The following DOT1L variants were observed in gnomAD, a reference collection of about 807,000 sequenced individuals.
DOT1L encodes DOT1 like histone lysine methyltransferase.
Under a neutral mutation model 153.3 loss-of-function variants are expected in DOT1L, and 33 were observed. That is an observed-to-expected ratio of 0.22 (90% CI 0.16 to 0.29). The LOEUF is 0.29. Ranked by LOEUF, DOT1L falls within the 10% of genes least tolerant of loss-of-function variation. The pLI is 1.00. For synonymous variants in DOT1L, 1,135 were observed against 965.1 expected, an observed-to-expected ratio of 1.18 and a Z score of -3.26; for missense variants, 1,847 against 2,119.9, an observed-to-expected ratio of 0.87 and a Z score of 2.53.
At chr19:2,228,741 G>A (rs552489977) in intron 27 of DOT1L, 11 of 985,412 alleles carry the variant, frequency 1.1e-5, no homozygotes, top group Admixed American at 1.2e-4. Flanking sequence ...GGCTCCATCC[G>A]CACCAGGCCC....
chr19:2,226,274 C>A lies in DOT1L; in HGVS notation c.3753C>A (p.Ile1251=). The change falls in exon 27 of 28, where the codon ATC becomes ATA. Residue 1251 remains isoleucine, a synonymous_variant. Transcript: ENST00000398665. The stretch of plus-strand genomic sequence containing the variant: ...CCACCTTCTCGCCCATCTCCGACAT[C>A]GGCCTGGCCAAGTCGGCGGACAGCC... ...WKSTFSPISD[I]GLAKSADSPL... 1 of 1,593,476 alleles carries A rather than the reference C, an allele frequency of 6.3e-7. No homozygotes were observed. The highest frequency in any genetic ancestry group is 2.3e-5 in the East Asian group (1 of 44,256).
rs769061575 is a variant in DOT1L at position 2,222,431 on chromosome 19, C to A, written c.3262C>A (p.Arg1088=). The A allele has an allele frequency of 6.2e-7, 1 of 1,609,296 alleles. No homozygotes were observed. The highest frequency in any genetic ancestry group is 8.5e-7 in the Non-Finnish European group (1 of 1,178,546). ...CGGGCAGGACAGTCGCAGGCGCGGC[C>A]GGCGGAAGCGAGCATCTGCGGGGAC... The part of the protein sequence containing the change: ...SHGQDSRRRG[R]RKRASAGTPS... Residue 1088 remains arginine (R), a synonymous_variant, in exon 24 of 28, where the codon CGG becomes AGG. Transcript: ENST00000398665. The surrounding 1 kb of genome is among the most constrained non-coding windows in gnomAD (Gnocchi z 6.5).
intron 2 of DOT1L, 77 bp downstream of exon 2, chr19:2,180,833 G>A: frequency 1.3e-6 from 2 of 1,567,124 alleles, no homozygotes; most frequent in African/African-American, 1.3e-5. Context: ...TGCAGATTCT[G>A]TTGTGGGGAT....
intron 15 of DOT1L, 90 bp downstream of exon 15, chr19:2,211,302 C>T (rs745587699): frequency 2.6e-6 from 3 of 1,166,474 alleles, no homozygotes; most frequent in Non-Finnish European, 3.6e-6. Flanking sequence ...TCGCAGCAGC[C>T]CCCGTGACCT....
At chr19:2,206,862 C>T (rs1464794755) in intron 10 of DOT1L, 65 bp downstream of exon 10, 2 of 1,500,080 alleles carry the variant, frequency 1.3e-6, no homozygotes, top group East Asian at 2.3e-5. Flanking sequence ...ACGCAGTATT[C>T]CTAGGTCCCT....
rs544812496 is a variant in DOT1L at position 2,179,076 on chromosome 19, G to T, written c.82-1637G>T. 8.7e-4 allele frequency among the ~76,000 whole-genome samples: 132 copies of T among 152,250 alleles called. 3 individuals are homozygous for T. Among genetic ancestry groups the T allele is most frequent in the Non-Finnish European group, 1.1e-3 (73 of 68,002 alleles). ...TCCCTCAGTGCATAAGGAAAGCTGG[G>T]GGGGGGTCTCCTATGGTCTGGCCTT... On this transcript the variant is annotated intron_variant, in intron 1 of 27. Coordinates refer to ENST00000398665, the MANE Select transcript of DOT1L (RefSeq NM_032482.3).
At chr19:2,178,188 T>G (rs2022043763) in intron 1 of DOT1L, among the ~76,000 whole-genome samples, 1 of 148,984 alleles carries the variant, frequency 6.7e-6, no homozygotes, top group Non-Finnish European at 1.5e-5. Flanking sequence ...CGCCTCGGCC[T>G]CCCAAAGTGC....
chr19:2,210,998 C>A (rs2023690580), intron 14 of DOT1L, 101 bp from the exon 15 acceptor site: 1 of 1,455,334 alleles, frequency 6.9e-7, no homozygotes, highest in Non-Finnish European at 9.5e-7. Context: ...TTCAGGGTGG[C>A]CCCATCCTAA....
intron 3 of DOT1L, among the ~76,000 whole-genome samples, chr19:2,186,139 G>A (rs959216949): frequency 6.6e-6 from 1 of 152,256 alleles, no homozygotes; most frequent in South Asian, 2.1e-4. Flanking sequence ...GGACAGAATT[G>A]GAAACTCCGG....
chr19:2,211,000 C>A, intron 14 of DOT1L, 99 bp from the exon 15 acceptor site: 1 of 1,460,336 alleles, frequency 6.8e-7, no homozygotes, highest in Non-Finnish European at 9.4e-7. Flanking sequence ...CAGGGTGGCC[C>A]CATCCTAAGG....
In DOT1L at chr19:2,197,804, C is replaced by T. The variant is rs1182878178; in HGVS notation, c.652-2080C>T. On this transcript the variant is annotated intron_variant, in intron 7 of 27. Coordinates refer to ENST00000398665, the MANE Select transcript of DOT1L (RefSeq NM_032482.3). The surrounding 1 kb of genome is among the most constrained non-coding windows in gnomAD (Gnocchi z 4.1). ...AGCAGGTGTCAGTACCAGCCTCTGCCTCTGGCATCCGTCCTGTTTACAGCC... is the reference window on the plus strand; with the variant it reads ...AGCAGGTGTCAGTACCAGCCTCTGCTTCTGGCATCCGTCCTGTTTACAGCC... Among the ~76,000 whole-genome samples the T allele has an allele frequency of 2.0e-5, 3 of 152,206 alleles. No individual in the cohort carries two copies. The highest frequency in any genetic ancestry group is 4.4e-5 in the Non-Finnish European group (3 of 68,050).
At chr19:2,167,765 T>C (rs918055004) in intron 1 of DOT1L, among the ~76,000 whole-genome samples, 13 of 151,206 alleles carry the variant, frequency 8.6e-5, no homozygotes, top group African/African-American at 3.2e-4. Context: ...AGACAGAGTC[T>C]TGCTCTATCG....
intron 27 of DOT1L, chr19:2,229,168 G>T: frequency 1.0e-6 from 1 of 985,466 alleles, no homozygotes; most frequent in Non-Finnish European, 1.2e-6. Flanking sequence ...TTTTGATGAT[G>T]TGAGGCCTTC....
chr19:2,164,880 C>A lies in DOT1L; in HGVS notation c.81+615C>A, dbSNP rs538497361. Among the ~76,000 whole-genome samples, 7 of 152,274 alleles carry A rather than the reference C, an allele frequency of 4.6e-5. 1 individual carries two copies. In the South Asian group the frequency reaches 1.5e-3, roughly 32 times the overall value. The stretch of plus-strand genomic sequence containing the variant: ...AATTAGGCATCTTTGACCTGTTAAT[C>A]CTAGTTGGTTGGGGACAGGCTTTAT... On this transcript the variant is annotated intron_variant, in intron 1 of 27. Coordinates refer to ENST00000398665, the MANE Select transcript of DOT1L (RefSeq NM_032482.3).
intron 7 of DOT1L, among the ~76,000 whole-genome samples, chr19:2,199,248 T>C (rs1010165211): frequency 6.6e-6 from 1 of 152,222 alleles, no homozygotes; most frequent in Non-Finnish European, 1.5e-5. Context: ...GGCGTGGAGC[T>C]GTGGGGACAG....
At chr19:2,182,983 G>GAAACTC (rs1467867370) in intron 2 of DOT1L, among the ~76,000 whole-genome samples, 13 of 152,122 alleles carry the variant, frequency 8.5e-5, no homozygotes, top group African/African-American at 2.9e-4. Flanking sequence ...CAGAGACCTC[G>GAAACTC]AAACTCGAAC....
intron 7 of DOT1L, among the ~76,000 whole-genome samples, chr19:2,198,074 A>C (rs890470697): frequency 6.6e-6 from 1 of 152,170 alleles, no homozygotes; most frequent in Non-Finnish European, 1.5e-5. Flanking sequence ...GCAGGGTTGC[A>C]TATAAACCAC....
In DOT1L at chr19:2,217,093, G is replaced by T. The variant is rs761921120; in HGVS notation, c.2544+3G>T. 6.3e-7 allele frequency: 1 copy of T among 1,591,872 alleles called. No individual in the cohort carries two copies. The highest frequency in any genetic ancestry group is 1.7e-5 in the Admixed American group (1 of 58,912). ...CTGGAGAGAAGAGCAGTGAGAAGGT[G>T]CGGGCCGCGACCCCTGCCCCGGGCT... On this transcript the variant is annotated splice_donor_region_variant and intron_variant, in intron 21 of 27. Transcript: ENST00000398665. This position sits in a 1 kb window ranked among gnomAD's most constrained non-coding sequence, Gnocchi z 7.3.
chr19:2,230,611 T>C lies in DOT1L; in HGVS notation c.*819T>C. The C allele has an allele frequency of 2.5e-6, 1 of 398,668 alleles. No homozygotes were observed. Among genetic ancestry groups the C allele is most frequent in the Non-Finnish European group, 4.4e-6 (1 of 226,066 alleles). The allele number at this position is 398,668 out of a possible 1,614,324, so 24.7% of individuals were successfully genotyped here. On this transcript the variant is annotated 3_prime_UTR_variant, in exon 28 of 28. Transcript: ENST00000398665. ...AGGCCTGTCGTGGGTCCCTTGGTGT[T>C]TCTGTACAGGAGAGAGTCACACTAA...
Sources: allele counts gnomAD v4.1 joint callset (sites outside exome capture counted in the v4.1 genomes callset), GRCh38; gene constraint gnomAD v4.1.1; non-coding constraint Gnocchi (gnomAD v3.1); transcripts MANE v1.5; gene names NCBI Gene and HGNC (gene_info 2026-07-23, HGNC 2026-07-21).